LAMA2: variants seen among roughly 807,000 people sequenced by gnomAD.
LAMA2 encodes laminin subunit alpha-2.
LAMA2 carries 269 observed loss-of-function variants against 364.8 expected under a neutral mutation model. The observed-to-expected ratio is 0.74, with a 90% confidence interval of 0.67 to 0.82. The LOEUF is 0.82. Ranked by LOEUF, LAMA2 falls within the 40% of genes least tolerant of loss-of-function variation. LAMA2 has a pLI of 0.00. For synonymous variants in LAMA2, 1,379 were observed against 1,370.6 expected (o/e 1.01, Z -0.14); for missense variants, 3,807 against 3,873.2 (o/e 0.98, Z 0.45).
chr6:129,237,181 T>C lies in LAMA2; in HGVS notation c.1783-12931T>C, dbSNP rs895767796. Among the ~76,000 whole-genome samples, 3 of 152,224 alleles carry C rather than the reference T, an allele frequency of 2.0e-5. No individual in the cohort carries two copies. In the East Asian group the frequency reaches 5.8e-4, roughly 29 times the overall value. ...ATGAATGAACATATCCAAAGCCACA[T>C]TGTAGAGTGCTTAGCACTTGCAAAG... On this transcript the variant is annotated intron_variant, in intron 12 of 64. Coordinates refer to ENST00000421865, the MANE Select transcript of LAMA2 (RefSeq NM_000426.4).
At chr6:128,952,989 G>C (rs1015520216) in intron 1 of LAMA2, among the ~76,000 whole-genome samples, 1 of 152,114 alleles carries the variant, frequency 6.6e-6, no homozygotes, top group Non-Finnish European at 1.5e-5. Flanking sequence ...GTAGCTACAG[G>C]TTTAGGACCT....
At chr6:129,319,949 ATG>A (rs1774849443) in intron 27 of LAMA2, among the ~76,000 whole-genome samples, 1 of 152,136 alleles carries the variant, frequency 6.6e-6, no homozygotes, top group Non-Finnish European at 1.5e-5. Flanking sequence ...CCTGGCCAAC[ATG>A]ATGAAACCCA....
chr6:129,334,193 A>G (rs1775815796), intron 29 of LAMA2, among the ~76,000 whole-genome samples: 2 of 152,184 alleles, frequency 1.3e-5, no homozygotes, highest in African/African-American at 4.8e-5. Flanking sequence ...GTTTCATATC[A>G]TATCCATTAT....
chr6:129,114,098 C>T (rs1776321650), intron 4 of LAMA2, among the ~76,000 whole-genome samples: 1 of 151,962 alleles, frequency 6.6e-6, no homozygotes, highest in South Asian at 2.1e-4. Context: ...ATAGCATCTT[C>T]AGGCCCTTTA....
At chr6:129,025,158 A>G (rs891601741) in intron 1 of LAMA2, among the ~76,000 whole-genome samples, 2 of 152,162 alleles carry the variant, frequency 1.3e-5, no homozygotes, top group African/African-American at 4.8e-5. Context: ...ATCACTGGGA[A>G]AAGACACAAT....
intron 3 of LAMA2, among the ~76,000 whole-genome samples, chr6:129,089,110 G>C (rs1562229052): frequency 6.6e-6 from 1 of 152,378 alleles, no homozygotes; most frequent in Non-Finnish European, 1.5e-5. Context: ...TTAGGAGCTG[G>C]AGACCAGCCC....
chr6:129,454,587 T>C (rs1295939938), intron 47 of LAMA2, among the ~76,000 whole-genome samples: 2 of 152,180 alleles, frequency 1.3e-5, no homozygotes, highest in South Asian at 2.1e-4. Context: ...AAGAAAGTAC[T>C]GCCACTTATT....
intron 17 of LAMA2, among the ~76,000 whole-genome samples, chr6:129,271,495 A>C (rs1787934554): frequency 7.8e-6 from 1 of 127,454 alleles, no homozygotes; most frequent in Admixed American, 9.2e-5. Flanking sequence ...TTTGAGACAG[A>C]GTCTCGCTCT....
intron 12 of LAMA2, among the ~76,000 whole-genome samples, chr6:129,238,793 A>G (rs188233119): frequency 3.9e-5 from 6 of 152,324 alleles, no homozygotes; most frequent in Non-Finnish European, 8.8e-5. Flanking sequence ...CGGAGATTAA[A>G]TGAGGATAAA....
chr6:129,235,292 C>T (rs1784913479), intron 12 of LAMA2, among the ~76,000 whole-genome samples: 1 of 152,098 alleles, frequency 6.6e-6, no homozygotes, highest in Non-Finnish European at 1.5e-5. Context: ...TTTTACCAAG[C>T]CTTAGTGAAA....
intron 1 of LAMA2, among the ~76,000 whole-genome samples, chr6:128,887,977 A>T (rs1776238868): frequency 6.6e-6 from 1 of 152,230 alleles, no homozygotes; most frequent in Non-Finnish European, 1.5e-5. Context: ...TGTGAAAAAG[A>T]TCAGGAAGAA....
chr6:129,462,273 A>G (rs999205576), intron 49 of LAMA2, among the ~76,000 whole-genome samples: 2 of 151,908 alleles, frequency 1.3e-5, no homozygotes, highest in African/African-American at 4.8e-5. Context: ...TCTACCCTAT[A>G]ACGGTAGCTG....
At chr6:129,239,801 C>T (rs1785268022) in intron 12 of LAMA2, among the ~76,000 whole-genome samples, 2 of 152,258 alleles carry the variant, frequency 1.3e-5, no homozygotes, top group South Asian at 4.1e-4. Context: ...TAGTTGTGTG[C>T]CACTGCATCT....
intron 1 of LAMA2, among the ~76,000 whole-genome samples, chr6:128,890,333 A>C (rs1367059198): frequency 6.6e-6 from 1 of 152,196 alleles, no homozygotes; most frequent in East Asian, 1.9e-4. Flanking sequence ...TTTTAGAATT[A>C]GAAATTAAAT....
intron 7 of LAMA2, among the ~76,000 whole-genome samples, chr6:129,150,659 T>G (rs1778736611): frequency 6.6e-6 from 1 of 152,230 alleles, no homozygotes; most frequent in Non-Finnish European, 1.5e-5. Context: ...GAAACACTTT[T>G]TTTCTTTCCC....
At chr6:128,912,521 G>T (rs929705088) in intron 1 of LAMA2, among the ~76,000 whole-genome samples, 6 of 151,268 alleles carry the variant, frequency 4.0e-5, no homozygotes, top group African/African-American at 1.4e-4. Flanking sequence ...TTATTCATTT[G>T]TTAGTTGTTT....
chr6:128,938,394 T>C (rs1779961592), intron 1 of LAMA2, among the ~76,000 whole-genome samples: 1 of 150,880 alleles, frequency 6.6e-6, no homozygotes, highest in South Asian at 2.1e-4. Flanking sequence ...TTTGCATGAA[T>C]TATTTTATAT....
At position 129,454,238 on chromosome 6, in the gene LAMA2, C is replaced by T. The variant is rs1782839629; in HGVS notation, c.6657C>T (p.Tyr2219=). 1 of 1,611,662 alleles carries T rather than the reference C, an allele frequency of 6.2e-7. No individual in the cohort carries two copies. Among genetic ancestry groups the T allele is most frequent in the African/African-American group, 1.3e-5 (1 of 74,786 alleles). ...DVGSGVGRVE[Y]PDLTIDDSYW... Reference sequence around the variant, plus strand: ...GATCTGGAGTTGGACGTGTAGAGTACCCAGATTTGACTATTGATGACTCAT... The same window carrying T: ...GATCTGGAGTTGGACGTGTAGAGTATCCAGATTTGACTATTGATGACTCAT... The change falls in exon 47 of 65, where the codon TAC becomes TAT. Residue 2219 remains tyrosine (Y), a synonymous_variant. Coordinates refer to ENST00000421865, the MANE Select transcript of LAMA2 (RefSeq NM_000426.4).
chr6:129,058,384 G>A (rs181911214), intron 2 of LAMA2, among the ~76,000 whole-genome samples: 7 of 152,272 alleles, frequency 4.6e-5, no homozygotes, highest in Non-Finnish European at 1.0e-4. Flanking sequence ...CTGCAACAAA[G>A]GTCACAGGTC....
Sources: allele counts gnomAD v4.1 joint callset (sites outside exome capture counted in the v4.1 genomes callset), GRCh38; gene constraint gnomAD v4.1.1; transcripts MANE v1.5; gene names NCBI Gene and HGNC (gene_info 2026-07-23, HGNC 2026-07-21).